The following CDH20 variants were observed in gnomAD, a reference collection of about 807,000 sequenced individuals.
CDH20 encodes the protein cadherin-20.
Under a neutral mutation model 74.2 loss-of-function variants are expected in CDH20, and 29 were observed. The ratio of observed to expected loss-of-function variants is 0.39; its 90% CI spans 0.29 to 0.53. The LOEUF is 0.53. Ranked by LOEUF, CDH20 falls within the 20% of genes least tolerant of loss-of-function variation. The pLI is 0.69. For synonymous variants in CDH20, 469 were observed against 405.4 expected (o/e 1.16, Z -1.88); for missense variants, 988 against 1,048.3 (o/e 0.94, Z 0.79).
intron 1 of CDH20, among the ~76,000 whole-genome samples, chr18:61,382,670 G>A (rs1418506684): frequency 1.3e-5 from 2 of 152,102 alleles, no homozygotes; most frequent in African/African-American, 4.8e-5. Context: ...CTTGGTGATG[G>A]TACACAATTC....
In CDH20 at chr18:61,490,421, T is replaced by C. The variant is rs1910912948; in HGVS notation, c.-133T>C. On this transcript the variant is annotated 5_prime_UTR_variant, in exon 2 of 12. Coordinates refer to ENST00000262717, the MANE Select transcript of CDH20 (RefSeq NM_031891.4). Reference sequence around the variant, plus strand: ...TGACAGGAAGTCAACTTCAAGCAGATTGACTTGAAACGGGATCTCATTTAG... The same window carrying C: ...TGACAGGAAGTCAACTTCAAGCAGACTGACTTGAAACGGGATCTCATTTAG... 2 of 854,710 alleles carry C rather than the reference T, an allele frequency of 2.3e-6. No homozygotes were observed. Among genetic ancestry groups the C allele is most frequent in the East Asian group, 2.5e-5 (1 of 40,288 alleles). The allele number at this position is 854,710 out of a possible 1,614,324, so 52.9% of individuals were successfully genotyped here. A position where few individuals can be genotyped will look rare whatever the true frequency, so the allele number is the denominator to read the frequency against.
chr18:61,471,924 A>G (rs960330441), intron 1 of CDH20, among the ~76,000 whole-genome samples: 2 of 152,210 alleles, frequency 1.3e-5, no homozygotes, highest in African/African-American at 4.8e-5. Flanking sequence ...CCTTCCCATT[A>G]TCTTTTGTTT....
intron 9 of CDH20, 140 bp downstream of exon 9, chr18:61,539,285 T>C: frequency 1.2e-6 from 1 of 851,032 alleles, no homozygotes; most frequent in Non-Finnish European, 1.9e-6. Context: ...TTCCCGTATA[T>C]CAGGTTTCAA....
chr18:61,368,216 G>A (rs914823139), intron 1 of CDH20, among the ~76,000 whole-genome samples: 2 of 151,958 alleles, frequency 1.3e-5, no homozygotes, highest in African/African-American at 2.4e-5. Context: ...TGCTTTAATC[G>A]CCCCTTTGCC....
intron 4 of CDH20, among the ~76,000 whole-genome samples, chr18:61,501,605 T>C (rs1911387133): frequency 6.6e-6 from 1 of 152,166 alleles, no homozygotes; most frequent in Admixed American, 6.5e-5. Flanking sequence ...TACATTTCTA[T>C]TATTAGCAAC....
chr18:61,443,732 G>A (rs1390980161), intron 1 of CDH20, among the ~76,000 whole-genome samples: 1 of 152,084 alleles, frequency 6.6e-6, no homozygotes, highest in Non-Finnish European at 1.5e-5. Flanking sequence ...TTACATTCTG[G>A]CATAAGCTCG....
intron 1 of CDH20, among the ~76,000 whole-genome samples, 177 bp from the exon 2 acceptor site, chr18:61,490,225 T>C (rs957162508): frequency 1.8e-4 from 27 of 152,204 alleles, no homozygotes; most frequent in African/African-American, 6.3e-4. Flanking sequence ...GCAAGATGTG[T>C]TGTCTTATTA....
At chr18:61,402,839 T>G (rs1330428000) in intron 1 of CDH20, among the ~76,000 whole-genome samples, 1 of 152,198 alleles carries the variant, frequency 6.6e-6, no homozygotes, top group Non-Finnish European at 1.5e-5. Context: ...GAAAAGTTAT[T>G]CTTAGTAGTT....
At chr18:61,421,037 C>A (rs937350405) in intron 1 of CDH20, among the ~76,000 whole-genome samples, 29 of 151,986 alleles carry the variant, frequency 1.9e-4, no homozygotes, top group African/African-American at 7.0e-4. Flanking sequence ...GGTGACAGAG[C>A]GATACTGTCT....
chr18:61,367,112 C>T (rs369151571), intron 1 of CDH20, among the ~76,000 whole-genome samples: 3 of 152,116 alleles, frequency 2.0e-5, no homozygotes, highest in African/African-American at 7.2e-5. Flanking sequence ...ACAAAAGGTG[C>T]ACACTTTTAA....
At chr18:61,379,155 A>C (rs1453429436) in intron 1 of CDH20, among the ~76,000 whole-genome samples, 2 of 152,224 alleles carry the variant, frequency 1.3e-5, no homozygotes, top group African/African-American at 4.8e-5. Context: ...AGATATGGTT[A>C]ACACAGATAA....
In CDH20 at chr18:61,421,644, T is replaced by G. The variant is rs562129430; in HGVS notation, c.-152-68758T>G. ...TCAAAGTAGCCAGAAGATAATATTT[T>G]GAATGTCTATAGCATAAAAAAGAAT... On this transcript the variant is annotated intron_variant, in intron 1 of 11. Coordinates refer to ENST00000262717, the MANE Select transcript of CDH20 (RefSeq NM_031891.4). Among the ~76,000 whole-genome samples the G allele has an allele frequency of 3.3e-5, 5 of 152,314 alleles. No individual in the cohort carries two copies. In the East Asian group the frequency reaches 9.6e-4, roughly 29 times the overall value.
chr18:61,540,856 C>T (rs1462394415), intron 9 of CDH20, among the ~76,000 whole-genome samples: 1 of 152,108 alleles, frequency 6.6e-6, no homozygotes, highest in Non-Finnish European at 1.5e-5. Flanking sequence ...TCAGCCAAAG[C>T]AAAAAGTGAT....
intron 1 of CDH20, among the ~76,000 whole-genome samples, chr18:61,372,598 T>TGGGAAAAA (rs1911080433): frequency 6.6e-6 from 1 of 152,150 alleles, no homozygotes; most frequent in East Asian, 1.9e-4. Flanking sequence ...GAATGGATTT[T>TGGGAAAAA]CATCTTTAAA....
chr18:61,552,990 A>C (rs1206634617), intron 11 of CDH20, among the ~76,000 whole-genome samples: 1 of 152,214 alleles, frequency 6.6e-6, no homozygotes, highest in African/African-American at 2.4e-5. Flanking sequence ...GCACACAGGG[A>C]AAATACACAT....
At chr18:61,497,020 C>G (rs1425856959) in intron 2 of CDH20, among the ~76,000 whole-genome samples, 8 of 150,096 alleles carry the variant, frequency 5.3e-5, no homozygotes. Flanking sequence ...AATGAAATGC[C>G]TTTCTATTCT....
At chr18:61,514,694 C>T (rs2144344227) in intron 6 of CDH20, among the ~76,000 whole-genome samples, 1 of 150,564 alleles carries the variant, frequency 6.6e-6, no homozygotes, top group East Asian at 2.0e-4. Flanking sequence ...GATGTCCTTT[C>T]TGTTTGTTAG....
chr18:61,536,731 A>T (rs545230847), intron 8 of CDH20, 102 bp downstream of exon 8: 1 of 1,033,078 alleles, frequency 9.7e-7, no homozygotes, highest in East Asian at 2.4e-5. Flanking sequence ...ATATCCTTTA[A>T]GGGAAGAAAT....
chr18:61,420,622 T>C (rs1438135506), intron 1 of CDH20, among the ~76,000 whole-genome samples: 1 of 152,216 alleles, frequency 6.6e-6, no homozygotes, highest in Non-Finnish European at 1.5e-5. Context: ...GGAGAGGTGC[T>C]GTGCCTGGGG....
Sources: gnomAD v4.1 joint callset for allele counts (sites outside exome capture counted in the v4.1 genomes callset) on GRCh38, gnomAD v4.1.1 for gene constraint, MANE v1.5 for transcripts, NCBI Gene and HGNC (gene_info 2026-07-23, HGNC 2026-07-21) for gene names.